The following CCDC85A variants were observed in gnomAD, a reference collection of about 807,000 sequenced individuals.
CCDC85A encodes coiled-coil domain containing 85A.
In CCDC85A, 38 loss-of-function variants were observed where a neutral mutation model predicts 50.2. The observed-to-expected ratio is 0.76, with a 90% CI of 0.58 to 0.99. The LOEUF is 0.99. Ranked by LOEUF, CCDC85A falls within the 50% of genes least tolerant of loss-of-function variation. CCDC85A has a pLI of 0.00. For missense variants in CCDC85A, 820 were observed against 742.0 expected (o/e 1.11, Z -1.22); for synonymous variants, 366 against 301.4 (o/e 1.21, Z -2.22).
At chr2:56,303,981 G>C (rs569663752) in intron 2 of CCDC85A, among the ~76,000 whole-genome samples, 72 of 152,314 alleles carry the variant, frequency 4.7e-4, no homozygotes, top group Non-Finnish European at 1.6e-4. Context: ...CTGTGAAAGA[G>C]ATAAGGATTG....
rs113381846 is a variant in CCDC85A at position 56,267,923 on chromosome 2, A to G, written c.1240+74483A>G. On this transcript the variant is annotated intron_variant, in intron 2 of 5. Coordinates refer to ENST00000407595, the MANE Select transcript of CCDC85A (RefSeq NM_001080433.2). ...GTTTGGTGTGAAGTTTGGTAGGCTC[A>G]GAAAAGCTGTATCAACAATTTTTCC... is the stretch of plus-strand genomic sequence containing the variant. 2.7e-3 allele frequency among the ~76,000 whole-genome samples: 417 copies of G among 152,366 alleles called. 5 individuals carry two copies. The highest frequency in any genetic ancestry group is 9.5e-3 in the African/African-American group (397 of 41,584).
chr2:56,320,944 G>A (rs892687017), intron 2 of CCDC85A, among the ~76,000 whole-genome samples: 1 of 152,102 alleles, frequency 6.6e-6, no homozygotes, highest in Non-Finnish European at 1.5e-5. Context: ...TATCCACCAC[G>A]ATCAAGTGGG....
intron 5 of CCDC85A, among the ~76,000 whole-genome samples, chr2:56,376,323 C>T (rs1422779967): frequency 6.6e-6 from 1 of 152,116 alleles, no homozygotes; most frequent in Non-Finnish European, 1.5e-5. Flanking sequence ...AAGGATACCA[C>T]AGTATTCTTT....
chr2:56,184,757 C>G lies in CCDC85A; in HGVS notation c.133C>G (p.Leu45Val). The G allele has an allele frequency of 6.5e-7, 1 of 1,545,198 alleles. No homozygotes were observed. Among genetic ancestry groups the G allele is most frequent in the Non-Finnish European group, 8.7e-7 (1 of 1,145,674 alleles). ...DLSKVSDEEL[L>V]QWSKEELIRS... is the part of the protein sequence containing the mutation. The stretch of plus-strand genomic sequence containing the variant: ...GTCCAAAGTGTCGGACGAGGAGCTG[C>G]TGCAGTGGAGCAAGGAGGAGCTGAT... The change falls in exon 1 of 6, where the codon CTG (leucine) becomes GTG (valine). Residue 45 changes from leucine to valine, a missense_variant. Coordinates refer to ENST00000407595, the MANE Select transcript of CCDC85A (RefSeq NM_001080433.2).
At chr2:56,380,685 A>C (rs1178184623) in intron 5 of CCDC85A, among the ~76,000 whole-genome samples, 2 of 152,174 alleles carry the variant, frequency 1.3e-5, no homozygotes, top group Non-Finnish European at 2.9e-5. Context: ...ATTCAACGCA[A>C]TCATTAATAT....
chr2:56,283,732 A>G (rs1035932247), intron 2 of CCDC85A, among the ~76,000 whole-genome samples: 4 of 152,116 alleles, frequency 2.6e-5, no homozygotes, highest in Non-Finnish European at 4.4e-5. Flanking sequence ...ATCTGTAATG[A>G]CATATCTTTC....
intron 3 of CCDC85A, among the ~76,000 whole-genome samples, chr2:56,371,941 A>C (rs1005281050): frequency 3.9e-5 from 6 of 152,124 alleles, no homozygotes; most frequent in Admixed American, 6.5e-5. Flanking sequence ...AGTGCTCCCA[A>C]TTGTATTTCA....
At chr2:56,353,944 C>T (rs1029995750) in intron 3 of CCDC85A, among the ~76,000 whole-genome samples, 12 of 152,272 alleles carry the variant, frequency 7.9e-5, no homozygotes, top group African/African-American at 2.9e-4. Context: ...CACACCAGCC[C>T]AGGTAAAGAT....
At position 56,324,281 on chromosome 2, in the gene CCDC85A, G is replaced by T. The variant is rs146617339; in HGVS notation, c.1241-18598G>T. On this transcript the variant is annotated intron_variant, in intron 2 of 5. Coordinates refer to ENST00000407595, the MANE Select transcript of CCDC85A (RefSeq NM_001080433.2). ...GAAGGGTGTATTTATGGACATTTCT[G>T]TTAGCAGACCCTCCATTTCTTGCAT... Among the ~76,000 whole-genome samples the T allele has an allele frequency of 6.9e-3, 1,050 of 152,124 alleles. 40 individuals carry two copies. Among genetic ancestry groups the T allele is most frequent in the Admixed American group, 0.058 (891 of 15,242 alleles).
chr2:56,240,251 A>G (rs899941075), intron 2 of CCDC85A, among the ~76,000 whole-genome samples: 1 of 152,090 alleles, frequency 6.6e-6, no homozygotes, highest in Non-Finnish European at 1.5e-5. Flanking sequence ...TTGTAACTTC[A>G]CTTCAGCCTC....
intron 2 of CCDC85A, among the ~76,000 whole-genome samples, chr2:56,250,576 G>C (rs1173317068): frequency 6.6e-6 from 1 of 152,144 alleles, no homozygotes; most frequent in Non-Finnish European, 1.5e-5. Context: ...AATAGGAGGA[G>C]ACAAGGGCAG....
intron 2 of CCDC85A, among the ~76,000 whole-genome samples, chr2:56,320,078 A>T (rs1026340862): frequency 1.7e-4 from 26 of 152,186 alleles, no homozygotes; most frequent in Non-Finnish European, 5.9e-5. Flanking sequence ...TAAAGATGTT[A>T]TTTGAAACCA....
At chr2:56,376,529 A>C (rs1156663708) in intron 5 of CCDC85A, among the ~76,000 whole-genome samples, 4 of 152,178 alleles carry the variant, frequency 2.6e-5, no homozygotes, top group Non-Finnish European at 4.4e-5. Flanking sequence ...TTTTGCAGTG[A>C]TTTCACAAAA....
chr2:56,219,944 T>C (rs2103903167), intron 2 of CCDC85A, among the ~76,000 whole-genome samples: 1 of 152,020 alleles, frequency 6.6e-6, no homozygotes, highest in East Asian at 1.9e-4. Flanking sequence ...GTAAATGTAA[T>C]AGAGATAAGT....
In CCDC85A at chr2:56,192,939, G is replaced by A. The variant is rs1461294863; in HGVS notation, c.739G>A (p.Glu247Lys). Residue 247 changes from glutamate (E) to lysine (K), a missense_variant, in exon 2 of 6, where the codon GAG (glutamate) becomes AAG (lysine). Glu to Lys is a moderately conservative substitution (Grantham distance 56, BLOSUM62 1). Transcript: ENST00000407595. This position sits in a 1 kb window ranked among gnomAD's most constrained non-coding sequence, Gnocchi z 4.7. ...GAAGCCCCGGAGCGAGGGCAGCCCG[G>A]AGCACTCCAAGCACAGGAGCGCCAG... ...LQKPRSEGSP[E>K]HSKHRSASPE... is the part of the protein sequence containing the mutation. 1.2e-6 allele frequency: 2 copies of A among 1,612,840 alleles called. No individual in the cohort carries two copies. Among genetic ancestry groups the A allele is most frequent in the Non-Finnish European group, 1.7e-6 (2 of 1,179,668 alleles).
chr2:56,385,579 T>C lies in CCDC85A; in HGVS notation c.*1224T>C, dbSNP rs1176153153. 1 of 150,432 alleles carries C rather than the reference T, an allele frequency of 6.6e-6. No homozygotes were observed. Among genetic ancestry groups the C allele is most frequent in the East Asian group, 1.9e-4 (1 of 5,160 alleles). The allele number at this position is 150,432 out of a possible 1,614,324, so 9.3% of individuals were successfully genotyped here. On this transcript the variant is annotated 3_prime_UTR_variant, in exon 6 of 6. Transcript: ENST00000407595. ...ACCGAATGCTACGTTTTTATGGTAG[T>C]TTAAGATTATAAAAGTAGAAATGCA...
chr2:56,320,900 T>C (rs1485186583), intron 2 of CCDC85A, among the ~76,000 whole-genome samples: 1 of 152,128 alleles, frequency 6.6e-6, no homozygotes, highest in African/African-American at 2.4e-5. Flanking sequence ...AATAAAATAC[T>C]GGCAAACCGA....
chr2:56,370,452 G>A (rs1225608564), intron 3 of CCDC85A, among the ~76,000 whole-genome samples: 3 of 151,794 alleles, frequency 2.0e-5, no homozygotes, highest in South Asian at 2.1e-4. Flanking sequence ...AATTAATCCT[G>A]GTTCTAAAAG....
upstream of CCDC85A, chr2:56,183,860 C>T (rs79417936): frequency 0.19 from 188,491 of 985,178 alleles, 18,340 homozygotes; most frequent in East Asian, 0.29. Context: ...GCAGGACAGC[C>T]GGGAGCGCAC....
Sources: gnomAD v4.1 joint callset for allele counts (sites outside exome capture counted in the v4.1 genomes callset) on GRCh38, gnomAD v4.1.1 for gene constraint, Gnocchi (gnomAD v3.1) non-coding constraint, MANE v1.5 for transcripts, NCBI Gene and HGNC (gene_info 2026-07-23, HGNC 2026-07-21) for gene names.